The following FGF1 variants were observed in gnomAD, a reference collection of about 807,000 sequenced individuals.
FGF1 encodes fibroblast growth factor 1.
In FGF1, 9 loss-of-function variants were observed where a neutral mutation model predicts 13.4. The observed-to-expected ratio is 0.67, with a 90% CI of 0.40 to 1.17. FGF1 has a LOEUF of 1.17. Ranked by LOEUF, FGF1 falls within the 50% of genes most tolerant of loss-of-function variation. The pLI is 0.01. For synonymous variants in FGF1, 93 were observed against 79.0 expected (o/e 1.18, Z -0.94); for missense variants, 156 against 192.7 (o/e 0.81, Z 1.13).
chr5:142,614,915 G>A (rs1323984491), intron 1 of FGF1, among the ~76,000 whole-genome samples: 1 of 152,038 alleles, frequency 6.6e-6, no homozygotes, highest in Admixed American at 6.5e-5. Flanking sequence ...AGAGAAGGTG[G>A]GTCTGTCCCT....
At chr5:142,687,093 C>T (rs1045417444), upstream of FGF1, among the ~76,000 whole-genome samples, 5 of 151,560 alleles carry the variant, frequency 3.3e-5, no homozygotes, top group East Asian at 1.9e-4. Context: ...CTTATGCAGG[C>T]GTTTGAGCCC....
intron 1 of FGF1, among the ~76,000 whole-genome samples, chr5:142,635,136 TC>T (rs887399930): frequency 9.8e-4 from 149 of 152,276 alleles, no homozygotes; most frequent in African/African-American, 3.4e-3. Context: ...GAGACCTGGC[TC>T]CCCCTGTGGC....
At chr5:142,654,820 G>A (rs1033822824) in intron 1 of FGF1, among the ~76,000 whole-genome samples, 1 of 152,206 alleles carries the variant, frequency 6.6e-6, no homozygotes, top group African/African-American at 2.4e-5. Context: ...CATTCACACG[G>A]GACTGAGAGA....
rs774373472 is a variant in FGF1, at chr5:142,600,709, T to A, written c.266A>T (p.Tyr89Phe). ...YLAMDTDGLLYGSQTPNEECL... is the reference protein window; with the variant it reads ...YLAMDTDGLLFGSQTPNEECL... ...TGTCAGCTTCATACTTACTGAGCCG[T>A]ATAAAAGCCCGTCGGTGTCCATGGC... Residue 89 changes from tyrosine (Y) to phenylalanine (F), a missense_variant, in exon 3 of 4, where the codon TAC becomes TTC. Transcript: ENST00000337706. The A allele has an allele frequency of 2.5e-6, 4 of 1,610,526 alleles. No homozygotes were observed. In the Admixed American group the frequency reaches 6.7e-5, roughly 27 times the overall value.
At chr5:142,646,422 G>A (rs188324648) in intron 1 of FGF1, among the ~76,000 whole-genome samples, 37 of 151,340 alleles carry the variant, frequency 2.4e-4, no homozygotes, top group Admixed American at 5.3e-4. Context: ...GCGCAATCTC[G>A]GCTCACTGCA....
At chr5:142,607,046 G>A (rs250103) in intron 2 of FGF1, among the ~76,000 whole-genome samples, 34,166 of 152,044 alleles carry the variant, frequency 0.22, 4,283 homozygotes, top group East Asian at 0.31. Context: ...TTAAAGCTCC[G>A]TTCATAGTCA....
chr5:142,643,561 A>G (rs914040743), intron 1 of FGF1, among the ~76,000 whole-genome samples: 6 of 152,198 alleles, frequency 3.9e-5, no homozygotes, highest in Non-Finnish European at 8.8e-5. Context: ...CCCTCTAGGA[A>G]AATAGGGCTT....
At chr5:142,626,174 T>G (rs548430876) in intron 1 of FGF1, among the ~76,000 whole-genome samples, 54 of 151,864 alleles carry the variant, frequency 3.6e-4, no homozygotes, top group African/African-American at 1.3e-3. Flanking sequence ...GTTTTTGTTT[T>G]TGGCTAGGAA....
At chr5:142,650,214 T>C (rs1399376991) in intron 1 of FGF1, among the ~76,000 whole-genome samples, 2 of 152,228 alleles carry the variant, frequency 1.3e-5, no homozygotes, top group Non-Finnish European at 1.5e-5. Flanking sequence ...TGACATTGAC[T>C]GACTGCTCTT....
intron 1 of FGF1, among the ~76,000 whole-genome samples, chr5:142,685,248 G>A (rs1774456499): frequency 1.3e-5 from 2 of 152,170 alleles, no homozygotes; most frequent in African/African-American, 4.8e-5. Flanking sequence ...AAACGAGGAT[G>A]TGATATTCCA....
At chr5:142,656,999 C>T (rs958494748) in intron 1 of FGF1, among the ~76,000 whole-genome samples, 3 of 152,018 alleles carry the variant, frequency 2.0e-5, no homozygotes, top group Non-Finnish European at 4.4e-5. Flanking sequence ...CTCACTGCAA[C>T]CTCCACCTCC....
chr5:142,609,084 C>T lies in FGF1; in HGVS notation c.169+4875G>A, dbSNP rs188667519. ...CTGCTAGGTGCTGAGTGATCCCAAC[C>T]AGAAAATAGAAGTCTGGACTCCCCT... On this transcript the variant is annotated intron_variant, in intron 2 of 3. Coordinates refer to ENST00000337706, the MANE Select transcript of FGF1 (RefSeq NM_000800.5). Among the ~76,000 whole-genome samples, 422 of 152,048 alleles carry T rather than the reference C, an allele frequency of 2.8e-3. 2 individuals carry two copies. Among genetic ancestry groups the T allele is most frequent in the African/African-American group, 9.3e-3 (386 of 41,474 alleles).
upstream of FGF1, among the ~76,000 whole-genome samples, chr5:142,688,199 A>G (rs549311951): frequency 3.9e-5 from 6 of 152,366 alleles, no homozygotes; most frequent in South Asian, 6.2e-4. Flanking sequence ...ATTACTGTCC[A>G]AATACTGGGA....
chr5:142,638,875 T>C (rs1764712494), intron 1 of FGF1, among the ~76,000 whole-genome samples: 1 of 151,956 alleles, frequency 6.6e-6, no homozygotes. Context: ...GAACAGATAA[T>C]TCTCAAAAGA....
chr5:142,626,435 G>T (rs1366985666), intron 1 of FGF1, among the ~76,000 whole-genome samples: 2 of 152,166 alleles, frequency 1.3e-5, no homozygotes, highest in African/African-American at 4.8e-5. Flanking sequence ...CCTAAAACGT[G>T]TTGGAGCTGA....
chr5:142,615,068 A>G (rs546614222), intron 1 of FGF1, among the ~76,000 whole-genome samples: 66 of 152,060 alleles, frequency 4.3e-4, no homozygotes, highest in South Asian at 1.0e-3. Flanking sequence ...TGCATCACTT[A>G]CACCTCAAAG....
chr5:142,655,583 G>C (rs986369108), intron 1 of FGF1, among the ~76,000 whole-genome samples: 1 of 152,156 alleles, frequency 6.6e-6, no homozygotes, highest in Non-Finnish European at 1.5e-5. Flanking sequence ...GTTAACAAAC[G>C]TAACTGCAAT....
chr5:142,657,291 C>G (rs1299183995), intron 1 of FGF1, among the ~76,000 whole-genome samples: 2 of 152,194 alleles, frequency 1.3e-5, no homozygotes, highest in African/African-American at 2.4e-5. Context: ...TCCACTGAAT[C>G]TTTCCCTTCA....
intron 1 of FGF1, among the ~76,000 whole-genome samples, chr5:142,665,659 G>T (rs1770169289): frequency 6.6e-6 from 1 of 152,076 alleles, no homozygotes; most frequent in South Asian, 2.1e-4. Context: ...ATTGAGTCCT[G>T]TCTACCAATA....
Sources: gnomAD v4.1 joint callset for allele counts (sites outside exome capture counted in the v4.1 genomes callset) on GRCh38, gnomAD v4.1.1 for gene constraint, MANE v1.5 for transcripts, NCBI Gene and HGNC (gene_info 2026-07-23, HGNC 2026-07-21) for gene names.